Variants in ROBO2 observed in about 807,000 individuals in gnomAD.
The protein encoded by ROBO2 is roundabout guidance receptor 2, also known as roundabout homolog 2.
A neutral mutation model predicts 160.8 loss-of-function variants in ROBO2; 53 were observed. The observed-to-expected ratio is 0.33, with a 90% confidence interval of 0.26 to 0.41. The LOEUF (loss-of-function observed/expected upper bound fraction) is 0.41. Among genes scored for constraint, ROBO2 ranks in the 10% least tolerant of loss-of-function variants. The probability of loss-of-function intolerance (pLI) is 1.00; values close to 1 mark genes in which losing one functional copy is unlikely to be tolerated. For synonymous variants in ROBO2, 664 were observed against 611.7 expected (o/e 1.09, Z -1.26); for missense variants, 1,577 against 1,722.4 (o/e 0.92, Z 1.49).
rs563307136 is a variant in ROBO2 at position 76,911,171 on chromosome 3, T to C, written c.110-186843T>C. Among the ~76,000 whole-genome samples, 56 of 152,274 alleles carry C rather than the reference T, an allele frequency of 3.7e-4. 1 individual carries two copies. Among genetic ancestry groups the C allele is most frequent in the African/African-American group, 1.1e-3 (45 of 41,560 alleles). On this transcript the variant is annotated intron_variant, in intron 2 of 26. Coordinates refer to the ROBO2 transcript ENST00000487694. ...TTCATTTTCAGGATGAAAAACATAG[T>C]TGTGGCACACAACAAACTCCTTTCC...
At chr3:76,426,035 A>G (rs1264904798) in intron 2 of ROBO2, among the ~76,000 whole-genome samples, 1 of 152,180 alleles carries the variant, frequency 6.6e-6, no homozygotes, top group Non-Finnish European at 1.5e-5. Context: ...GGTGAAAGGC[A>G]TGAAGATTGT....
At chr3:77,625,892 T>C (rs1327727257) in intron 23 of ROBO2, among the ~76,000 whole-genome samples, 1 of 152,192 alleles carries the variant, frequency 6.6e-6, no homozygotes, top group Non-Finnish European at 1.5e-5. Context: ...AAAGTTTTAA[T>C]GTATATTAAT....
intron 1 of ROBO2, among the ~76,000 whole-genome samples, chr3:77,088,457 A>G (rs924107015): frequency 6.6e-6 from 1 of 152,092 alleles, no homozygotes; most frequent in African/African-American, 2.4e-5. Context: ...TACGTAGGTA[A>G]ATGTGTGCCA....
chr3:76,766,034 C>A (rs1161353567), intron 2 of ROBO2, among the ~76,000 whole-genome samples: 3 of 151,660 alleles, frequency 2.0e-5, no homozygotes, highest in African/African-American at 7.2e-5. Flanking sequence ...ACAGTAATAA[C>A]TTACATTTTC....
intron 2 of ROBO2, among the ~76,000 whole-genome samples, chr3:75,987,578 T>A (rs920144312): frequency 6.6e-6 from 1 of 151,972 alleles, no homozygotes; most frequent in African/African-American, 2.4e-5. Flanking sequence ...GTTAGGACTT[T>A]CAGTATTTTG....
At chr3:76,723,820 G>T (rs2093503529) in intron 2 of ROBO2, among the ~76,000 whole-genome samples, 1 of 152,104 alleles carries the variant, frequency 6.6e-6, no homozygotes, top group Admixed American at 6.5e-5. Flanking sequence ...AGTGTGAGTT[G>T]TCTACTACCT....
intron 2 of ROBO2, among the ~76,000 whole-genome samples, chr3:77,224,634 T>A (rs1010746555): frequency 3.3e-5 from 5 of 151,928 alleles, no homozygotes; most frequent in Admixed American, 3.3e-4. Context: ...TTTCTTTGTT[T>A]GTTTGTTTGA....
At chr3:76,802,812 T>C (rs1048987177) in intron 2 of ROBO2, among the ~76,000 whole-genome samples, 2 of 152,092 alleles carry the variant, frequency 1.3e-5, no homozygotes, top group Admixed American at 1.3e-4. Context: ...CAAATGACTG[T>C]AGTAATAATG....
At chr3:76,063,345 T>C (rs1467206963) in intron 2 of ROBO2, among the ~76,000 whole-genome samples, 3 of 139,474 alleles carry the variant, frequency 2.2e-5, no homozygotes, top group Non-Finnish European at 4.9e-5. Context: ...CCTCCTCCCT[T>C]TTTTTTTTTT....
chr3:77,365,347 C>T (rs2070705399), intron 2 of ROBO2, among the ~76,000 whole-genome samples: 1 of 152,062 alleles, frequency 6.6e-6, no homozygotes. Flanking sequence ...TGTCTTCTCT[C>T]AAGCAGGAAA....
intron 2 of ROBO2, among the ~76,000 whole-genome samples, chr3:77,101,907 G>T (rs887994691): frequency 6.6e-6 from 1 of 152,142 alleles, no homozygotes; most frequent in Non-Finnish European, 1.5e-5. Flanking sequence ...AGGTATGGTG[G>T]CTGGCACCTG....
At chr3:77,597,529 T>G (rs185884133) in intron 19 of ROBO2, among the ~76,000 whole-genome samples, 1 of 152,106 alleles carries the variant, frequency 6.6e-6, no homozygotes, top group Non-Finnish European at 1.5e-5. Context: ...CTGATCTCAG[T>G]GTGGCTTGGC....
At chr3:76,551,843 G>T (rs1301261619) in intron 2 of ROBO2, among the ~76,000 whole-genome samples, 1 of 152,132 alleles carries the variant, frequency 6.6e-6, no homozygotes, top group Non-Finnish European at 1.5e-5. Flanking sequence ...CAGCCAGTAT[G>T]CCTGGCTGTG....
intron 2 of ROBO2, among the ~76,000 whole-genome samples, chr3:76,333,015 G>T (rs914004422): frequency 5.9e-5 from 9 of 152,164 alleles, no homozygotes; most frequent in African/African-American, 1.9e-4. Context: ...TGACACCCAA[G>T]AATTTGCTTC....
exon 12 of ROBO2, chr3:77,564,977 A>C (rs1213462978): frequency 6.2e-7 from 1 of 1,613,544 alleles, no homozygotes; most frequent in Admixed American, 1.7e-5. Flanking sequence ...AACAGCTGGC[A>C]GACCGTGGCA....
At chr3:77,128,825 A>G (rs1008654482) in intron 2 of ROBO2, among the ~76,000 whole-genome samples, 1 of 152,220 alleles carries the variant, frequency 6.6e-6, no homozygotes, top group Non-Finnish European at 1.5e-5. Context: ...TCCTTTGAAT[A>G]AATTCATACA....
At chr3:77,304,883 A>G (rs916292327) in intron 2 of ROBO2, among the ~76,000 whole-genome samples, 2 of 152,256 alleles carry the variant, frequency 1.3e-5, no homozygotes, top group South Asian at 2.1e-4. Flanking sequence ...GAGCGTACAT[A>G]CGTAAGCTGT....
chr3:76,582,651 C>A (rs1262485025), intron 2 of ROBO2, among the ~76,000 whole-genome samples: 2 of 151,816 alleles, frequency 1.3e-5, no homozygotes, highest in Non-Finnish European at 2.9e-5. Context: ...AAGACAATTC[C>A]TTTCAAGTTA....
chr3:76,462,606 TAA>T (rs61062093), intron 2 of ROBO2, among the ~76,000 whole-genome samples: 4,264 of 134,460 alleles, frequency 0.032, 76 homozygotes, highest in South Asian at 0.054. Flanking sequence ...CTTAAAGTAT[TAA>T]AAAAAAAAAA....
Sources: allele counts gnomAD v4.1 joint callset (sites outside exome capture counted in the v4.1 genomes callset), GRCh38; gene constraint gnomAD v4.1.1; transcripts MANE v1.5; gene names NCBI Gene and HGNC (gene_info 2026-07-23, HGNC 2026-07-21).